CNTNAP4: variants seen among roughly 807,000 people sequenced by gnomAD.
CNTNAP4 encodes contactin-associated protein-like 4.
In CNTNAP4, 98 loss-of-function variants were observed where a neutral mutation model predicts 148.4. The ratio of observed to expected loss-of-function variants is 0.66; its 90% confidence interval spans 0.56 to 0.78. CNTNAP4 has a LOEUF of 0.78. CNTNAP4 is among the 30% of genes least tolerant of loss of function. The probability of loss-of-function intolerance (pLI) is 0.00; values close to 1 mark genes in which losing one functional copy is unlikely to be tolerated. For synonymous variants in CNTNAP4, 730 were observed against 565.1 expected (o/e 1.29, Z -4.14); for missense variants, 1,935 against 1,565.6 (o/e 1.24, Z -3.98).
chr16:76,359,950 A>G (rs1368055950), intron 3 of CNTNAP4, among the ~76,000 whole-genome samples: 1 of 152,208 alleles, frequency 6.6e-6, no homozygotes, highest in African/African-American at 2.4e-5. Context: ...CAAATTCTCC[A>G]AATCCTTTAT....
chr16:76,349,729 T>A (rs1276268683), intron 2 of CNTNAP4, among the ~76,000 whole-genome samples: 1 of 152,190 alleles, frequency 6.6e-6, no homozygotes, highest in Admixed American at 6.6e-5. Flanking sequence ...TTAGATGTCC[T>A]AATGGTGGCT....
chr16:76,499,387 C>T (rs1015395258), intron 15 of CNTNAP4, among the ~76,000 whole-genome samples: 1 of 151,878 alleles, frequency 6.6e-6, no homozygotes, highest in Admixed American at 6.6e-5. Flanking sequence ...AGACTGTAGA[C>T]CTCAATATGA....
intron 1 of CNTNAP4, among the ~76,000 whole-genome samples, chr16:76,279,377 GT>G (rs1207470153): frequency 1.3e-5 from 2 of 152,146 alleles, no homozygotes; most frequent in Non-Finnish European, 2.9e-5. Context: ...ATGTTTGCTT[GT>G]TTTCTTGAAG....
intron 3 of CNTNAP4, among the ~76,000 whole-genome samples, chr16:76,387,988 A>C (rs932192575): frequency 6.6e-6 from 1 of 152,182 alleles, no homozygotes; most frequent in Admixed American, 6.5e-5. Context: ...CTGAAACCCA[A>C]TACTATGTAA....
At chr16:76,402,680 A>G (rs369941322) in intron 3 of CNTNAP4, among the ~76,000 whole-genome samples, 11 of 152,028 alleles carry the variant, frequency 7.2e-5, no homozygotes, top group Non-Finnish European at 1.5e-4. Context: ...TAACTTCTTG[A>G]TGGGGCATTG....
chr16:76,300,064 C>T (rs910406485), intron 1 of CNTNAP4, among the ~76,000 whole-genome samples: 7 of 151,956 alleles, frequency 4.6e-5, no homozygotes, highest in African/African-American at 1.7e-4. Flanking sequence ...TTAATGGGTG[C>T]AGCACACCAA....
chr16:76,299,567 C>T (rs1055639321), intron 1 of CNTNAP4, among the ~76,000 whole-genome samples: 36 of 152,220 alleles, frequency 2.4e-4, no homozygotes, highest in African/African-American at 7.5e-4. Context: ...CTAGTTCAAC[C>T]ATTGTGGAAG....
chr16:76,471,077 A>G (rs2081354590), intron 10 of CNTNAP4, among the ~76,000 whole-genome samples: 1 of 152,214 alleles, frequency 6.6e-6, no homozygotes, highest in East Asian at 1.9e-4. Flanking sequence ...TTCCTTACAC[A>G]GAGTCACTCC....
At chr16:76,557,165 C>T (rs555136187) in intron 23 of CNTNAP4, among the ~76,000 whole-genome samples, 18 of 152,218 alleles carry the variant, frequency 1.2e-4, no homozygotes, top group Non-Finnish European at 2.1e-4. Context: ...ACACTCTTGG[C>T]GGCAGAAAAT....
chr16:76,538,094 A>C (rs2084288811), intron 18 of CNTNAP4, 22 bp from the exon 19 acceptor site: 1 of 841,296 alleles, frequency 1.2e-6, no homozygotes, highest in Non-Finnish European at 1.6e-6. Flanking sequence ...TTTAACAAAA[A>C]TATATATATA....
intron 10 of CNTNAP4, among the ~76,000 whole-genome samples, chr16:76,473,722 C>T (rs1019742527): frequency 3.9e-5 from 6 of 152,058 alleles, no homozygotes; most frequent in African/African-American, 9.7e-5. Context: ...TGCAGTGAGC[C>T]AAGATCGCGC....
At chr16:76,474,054 C>A (rs979073799) in intron 10 of CNTNAP4, among the ~76,000 whole-genome samples, 1 of 152,092 alleles carries the variant, frequency 6.6e-6, no homozygotes, top group African/African-American at 2.4e-5. Context: ...AAAGATAGAC[C>A]TAACACTTTG....
At chr16:76,495,350 T>C (rs2082366349) in intron 14 of CNTNAP4, among the ~76,000 whole-genome samples, 1 of 152,068 alleles carries the variant, frequency 6.6e-6, no homozygotes, top group Non-Finnish European at 1.5e-5. Context: ...CTTTTAAAAC[T>C]ATATATAAGT....
chr16:76,374,754 T>TTATTAGTAG lies in CNTNAP4; in HGVS notation c.390+19248_390+19249insGTAGTATTA, dbSNP rs199685410. Among the ~76,000 whole-genome samples, 2 of 143,776 alleles carry TTATTAGTAG rather than the reference T, an allele frequency of 1.4e-5. 1 individual carries two copies. The highest frequency in any genetic ancestry group is 4.2e-4 in the South Asian group (2 of 4,714). The allele number at this position is 143,776 out of a possible 152,430, so 94.3% of individuals were successfully genotyped here. ...CTTGACTATGACACTATTATTATTA[T>TTATTAGTAG]TATTATTATTATTATTATTATTATT... On this transcript the variant is annotated intron_variant, in intron 3 of 23. Coordinates refer to ENST00000611870, the MANE Select transcript of CNTNAP4 (RefSeq NM_033401.5).
At chr16:76,373,897 CA>C (rs71382634) in intron 3 of CNTNAP4, among the ~76,000 whole-genome samples, 26,122 of 111,782 alleles carry the variant, frequency 0.23, 2,411 homozygotes, top group East Asian at 0.41. Context: ...CTCCATCTCA[CA>C]AAAAAAAAAA....
At chr16:76,310,040 A>C (rs1479657744) in intron 1 of CNTNAP4, 3 of 593,078 alleles carry the variant, frequency 5.1e-6, no homozygotes, top group South Asian at 2.0e-5. Context: ...CTTCAGACAG[A>C]AGTCTGGCTT....
intron 13 of CNTNAP4, among the ~76,000 whole-genome samples, chr16:76,490,393 A>G (rs575602276): frequency 1.3e-4 from 20 of 152,296 alleles, no homozygotes; most frequent in Admixed American, 1.2e-3. Flanking sequence ...TCAGAAAACC[A>G]TCTTGACTCT....
chr16:76,448,667 A>C, intron 5 of CNTNAP4, 100 bp from the exon 6 acceptor site: 2 of 813,108 alleles, frequency 2.5e-6, no homozygotes, highest in Non-Finnish European at 3.8e-6. Flanking sequence ...GTAGAAGGAG[A>C]TTGCAATTAT....
chr16:76,286,594 T>C (rs538817466), intron 1 of CNTNAP4, among the ~76,000 whole-genome samples: 3 of 152,242 alleles, frequency 2.0e-5, no homozygotes, highest in East Asian at 3.9e-4. Context: ...GCAGAATATG[T>C]TGGGAGAGAT....
Sources: gnomAD v4.1 joint callset for allele counts (sites outside exome capture counted in the v4.1 genomes callset) on GRCh38, gnomAD v4.1.1 for gene constraint, MANE v1.5 for transcripts, NCBI Gene and HGNC (gene_info 2026-07-23, HGNC 2026-07-21) for gene names.